The following MRE11 variants were observed in gnomAD, a reference collection of about 807,000 sequenced individuals.
MRE11 encodes the protein MRE11 double strand break repair nuclease, also known as double-strand break repair protein MRE11.
MRE11 carries 62 observed loss-of-function variants against 91.7 expected under a neutral mutation model. The observed-to-expected ratio is 0.68, with a 90% confidence interval of 0.55 to 0.84. MRE11 has a LOEUF of 0.84. Ranked by LOEUF, MRE11 falls within the 40% of genes least tolerant of loss-of-function variation. The probability of loss-of-function intolerance (pLI) is 0.00; values close to 1 mark genes in which losing one functional copy is unlikely to be tolerated. For missense variants in MRE11, 796 were observed against 852.9 expected, an observed-to-expected ratio of 0.93 and a Z score of 0.83; for synonymous variants, 273 against 271.4, an observed-to-expected ratio of 1.01 and a Z score of -0.06.
At chr11:94,496,321 T>C (rs1947417793), upstream of MRE11, among the ~76,000 whole-genome samples, 1 of 152,238 alleles carries the variant, frequency 6.6e-6, no homozygotes, top group Admixed American at 6.5e-5. Context: ...CATTCATCAC[T>C]GTTAGCATAA....
rs1591688377 is a variant in MRE11, at chr11:94,467,864, C to T, written c.1047G>A (p.Arg349=). 2 of 1,613,484 alleles carry T rather than the reference C, an allele frequency of 1.2e-6. No individual in the cohort carries two copies. Among genetic ancestry groups the T allele is most frequent in the Admixed American group, 1.7e-5 (1 of 59,996 alleles). Residue 349 remains arginine (R), a synonymous_variant, in exon 10 of 20, where the codon CGG becomes CGA. Transcript: ENST00000323929. ...KIEEMLENAE[R]ERLGNSHQPE... ...GCTGGTGAGAATTACCCAGACGTTCCCGTTCAGCATTTTCAAGCATTTCTT... is the reference window on the plus strand; with the variant it reads ...GCTGGTGAGAATTACCCAGACGTTCTCGTTCAGCATTTTCAAGCATTTCTT...
chr11:94,450,494 G>A (rs1371430189), intron 14 of MRE11, among the ~76,000 whole-genome samples: 2 of 152,060 alleles, frequency 1.3e-5, no homozygotes, highest in South Asian at 2.1e-4. Flanking sequence ...ATACATAACA[G>A]GGTGCAAACA....
rs769798641 is a variant in MRE11 at position 94,456,306 on chromosome 11, A to G, written c.1533T>C (p.Asn511=). The G allele has an allele frequency of 6.2e-7, 1 of 1,613,622 alleles. No homozygotes were observed. Among genetic ancestry groups the G allele is most frequent in the South Asian group, 1.1e-5 (1 of 91,070 alleles). Residue 511 remains asparagine, a synonymous_variant, in exon 14 of 20, where the codon AAT becomes AAC. Coordinates refer to ENST00000323929, the MANE Select transcript of MRE11 (RefSeq NM_005591.4). ...VRRFRETRQK[N]TNEEDDEVRE... is the part of the protein sequence containing the mutation. Reference sequence around the variant, plus strand: ...GGACTTCATCATCTTCTTCATTAGTATTTTTTTGTCTGGTTTCTCTGAAAC... The same window carrying G: ...GGACTTCATCATCTTCTTCATTAGTGTTTTTTTGTCTGGTTTCTCTGAAAC...
rs587780145 is a variant in MRE11 at position 94,470,654 on chromosome 11, A to G, written c.846-12T>C. 48 of 1,612,454 alleles carry G rather than the reference A, an allele frequency of 3.0e-5. No homozygotes were observed. The highest frequency in any genetic ancestry group is 4.1e-5 in the Non-Finnish European group (48 of 1,178,902). On this transcript the variant is annotated splice_polypyrimidine_tract_variant and intron_variant, in intron 8 of 19. Transcript: ENST00000323929. ...GCAAACCAACATGTCTGAAGTGGAG[A>G]GAAATGAACACCGAGTCACAGTGTA... is the stretch of plus-strand genomic sequence containing the variant.
the MRE11 span, among the ~76,000 whole-genome samples, chr11:94,508,177 G>A: frequency 5.1e-4 from 78 of 152,190 alleles, no homozygotes; most frequent in East Asian, 0.015. Flanking sequence ...AGACTCCTGG[G>A]CTCAAGCCAT....
the MRE11 span, among the ~76,000 whole-genome samples, chr11:94,511,174 GCT>G: frequency 2.7e-5 from 4 of 150,166 alleles, no homozygotes; most frequent in Non-Finnish European, 5.9e-5. Context: ...ATTGCCTCTC[GCT>G]CTCTCTCTAT....
rs567274622 is a variant in MRE11, at chr11:94,456,281, G to C, written c.1558C>G (p.Arg520Gly). 2 of 1,613,072 alleles carry C rather than the reference G, an allele frequency of 1.2e-6. No individual in the cohort carries two copies. The highest frequency in any genetic ancestry group is 4.5e-5 in the East Asian group (2 of 44,828). ...KNTNEEDDEV[R>G]EAMTRARALR... ...ATTTGCAGCAGAATAATTACCTCAC[G>C]GACTTCATCATCTTCTTCATTAGTA... is the stretch of plus-strand genomic sequence containing the variant. The change falls in exon 14 of 20, where the codon CGT (arginine) becomes GGT (glycine). Residue 520 changes from arginine (R) to glycine (G), a missense_variant. Arg to Gly is a moderately radical substitution (Grantham distance 125, BLOSUM62 -2). Transcript: ENST00000323929.
intron 16 of MRE11, among the ~76,000 whole-genome samples, chr11:94,442,495 T>A (rs568169): frequency 0.48 from 72,619 of 151,368 alleles, 17,617 homozygotes; most frequent in South Asian, 0.6. Context: ...AAAAGAAAAA[T>A]AAAACAAGAC....
chr11:94,450,193 T>C (rs1201666451), intron 14 of MRE11, among the ~76,000 whole-genome samples: 1 of 152,208 alleles, frequency 6.6e-6, no homozygotes, highest in East Asian at 1.9e-4. Flanking sequence ...TTAAAAAGAT[T>C]ACGTATTGAT....
chr11:94,461,080 G>A (rs976171950), intron 11 of MRE11, 44 bp from the exon 12 acceptor site: 9 of 1,502,360 alleles, frequency 6.0e-6, no homozygotes, highest in Non-Finnish European at 8.3e-6. Context: ...CTATCATAAT[G>A]TTAAAATGTG....
At chr11:94,496,580 T>C, upstream of MRE11, 2 of 965,550 alleles carry the variant, frequency 2.1e-6, no homozygotes, top group Admixed American at 2.6e-5. Flanking sequence ...GTTTTACTAA[T>C]AACTTTTGTA....
chr11:94,470,844 T>C (rs1429873565), intron 8 of MRE11, among the ~76,000 whole-genome samples: 6 of 152,030 alleles, frequency 3.9e-5, no homozygotes, highest in African/African-American at 1.2e-4. Context: ...CAGAGTAAAA[T>C]CAACTCATCC....
At chr11:94,424,695 T>A (rs148400204) in intron 19 of MRE11, among the ~76,000 whole-genome samples, 3 of 152,222 alleles carry the variant, frequency 2.0e-5, no homozygotes, top group African/African-American at 7.2e-5. Flanking sequence ...AAGGATTTCA[T>A]AATACAACTG....
chr11:94,464,034 T>C (rs1946491441), intron 11 of MRE11, 79 bp downstream of exon 11: 1 of 1,437,766 alleles, frequency 7.0e-7, no homozygotes, highest in Non-Finnish European at 9.7e-7. Flanking sequence ...CTTCCATTAT[T>C]ATGTTACAGT....
intron 19 of MRE11, among the ~76,000 whole-genome samples, chr11:94,421,291 G>T (rs1945165925): frequency 6.6e-6 from 1 of 152,164 alleles, no homozygotes; most frequent in African/African-American, 2.4e-5. Context: ...ATTATTTGAT[G>T]CTAGGCTTTG....
intron 13 of MRE11, among the ~76,000 whole-genome samples, chr11:94,458,470 T>G (rs1453417651): frequency 6.6e-6 from 1 of 152,190 alleles, no homozygotes; most frequent in Non-Finnish European, 1.5e-5. Flanking sequence ...GTGTAAAATT[T>G]TATATGGTAT....
intron 17 of MRE11, among the ~76,000 whole-genome samples, 156 bp downstream of exon 17, chr11:94,437,021 A>G (rs1945637000): frequency 6.6e-6 from 1 of 152,090 alleles, no homozygotes; most frequent in Admixed American, 6.5e-5. Context: ...AAAAAATCAA[A>G]TCCTAGAAGC....
At chr11:94,508,774 T>C in the MRE11 span, among the ~76,000 whole-genome samples, 9 of 151,990 alleles carry the variant, frequency 5.9e-5, no homozygotes, top group African/African-American at 1.9e-4. Context: ...TTTTTTTTTT[T>C]TTTTCGAGAC....
intron 18 of MRE11, among the ~76,000 whole-genome samples, chr11:94,435,628 T>G (rs1945585139): frequency 6.6e-6 from 1 of 152,182 alleles, no homozygotes. Context: ...ACAGGCTATT[T>G]CAATTTTCAC....
Sources: gnomAD v4.1 joint callset for allele counts (sites outside exome capture counted in the v4.1 genomes callset) on GRCh38, gnomAD v4.1.1 for gene constraint, MANE v1.5 for transcripts, NCBI Gene and HGNC (gene_info 2026-07-23, HGNC 2026-07-21) for gene names.